PRKCH: variants seen among roughly 807,000 people sequenced by gnomAD.
PRKCH encodes the protein protein kinase C eta, also known as protein kinase C eta type.
PRKCH carries 28 observed loss-of-function variants against 82.5 expected under a neutral mutation model. The ratio of observed to expected loss-of-function variants is 0.34; its 90% CI spans 0.25 to 0.47. PRKCH has a LOEUF of 0.47. PRKCH is among the 20% of genes least tolerant of loss of function. The pLI, the probability that PRKCH is intolerant of heterozygous loss-of-function variation, is 1.00. For synonymous variants in PRKCH, 322 were observed against 327.4 expected (o/e 0.98, Z 0.18); for missense variants, 705 against 881.8 (o/e 0.80, Z 2.54).
chr14:61,540,055 G>A (rs1350655606), intron 12 of PRKCH, among the ~76,000 whole-genome samples: 1 of 152,204 alleles, frequency 6.6e-6, no homozygotes, highest in Non-Finnish European at 1.5e-5. Context: ...TTGAGTATTT[G>A]AAAATTTTAA....
chr14:61,301,524 A>G (rs967582103), intron 1 of PRKCH, among the ~76,000 whole-genome samples: 2 of 152,214 alleles, frequency 1.3e-5, no homozygotes, highest in Non-Finnish European at 2.9e-5. Flanking sequence ...TTATATGCTC[A>G]AGGTAACGTG....
At chr14:61,509,199 T>C (rs1887273462) in intron 10 of PRKCH, among the ~76,000 whole-genome samples, 1 of 152,088 alleles carries the variant, frequency 6.6e-6, no homozygotes, top group South Asian at 2.1e-4. Context: ...GATTGTAAAT[T>C]ACGCGTAAAT....
At chr14:61,432,570 A>C (rs564930870) in intron 2 of PRKCH, among the ~76,000 whole-genome samples, 1 of 152,278 alleles carries the variant, frequency 6.6e-6, no homozygotes, top group South Asian at 2.1e-4. Context: ...TCTGGCTTCA[A>C]GCAGTCCTCC....
chr14:61,314,248 G>A (rs1594905453), intron 1 of PRKCH, among the ~76,000 whole-genome samples: 1 of 151,940 alleles, frequency 6.6e-6, no homozygotes, highest in Non-Finnish European at 1.5e-5. Flanking sequence ...CTATAATTGG[G>A]CTGTCATAAA....
At chr14:61,263,299 A>C (rs2045066935) in intron 1 of PRKCH, among the ~76,000 whole-genome samples, 1 of 152,202 alleles carries the variant, frequency 6.6e-6, no homozygotes, top group Non-Finnish European at 1.5e-5. Flanking sequence ...CTTCAATGTT[A>C]TTTAGCTTTA....
chr14:61,243,802 T>C (rs1335994829), intron 1 of PRKCH, among the ~76,000 whole-genome samples: 2 of 152,072 alleles, frequency 1.3e-5, no homozygotes, highest in African/African-American at 4.8e-5. Flanking sequence ...ATAAAAAGCC[T>C]TTTTTCTTAA....
intron 1 of PRKCH, among the ~76,000 whole-genome samples, chr14:61,375,129 T>C (rs771739286): frequency 4.5e-4 from 68 of 152,136 alleles, no homozygotes; most frequent in Non-Finnish European, 8.4e-4. Flanking sequence ...AAGTTTAGAG[T>C]TCCACAGATC....
At chr14:61,381,578 C>A (rs367822988) in intron 1 of PRKCH, among the ~76,000 whole-genome samples, 1 of 152,240 alleles carries the variant, frequency 6.6e-6, no homozygotes. Context: ...GATGCTGACT[C>A]GGACTCTCCA....
chr14:61,474,301 A>G (rs535671514), intron 9 of PRKCH, among the ~76,000 whole-genome samples: 1 of 152,190 alleles, frequency 6.6e-6, no homozygotes, highest in Non-Finnish European at 1.5e-5. Flanking sequence ...AAGTTAACAC[A>G]ATGTGCTTTC....
At position 61,363,191 on chromosome 14, in the gene PRKCH, C is replaced by T. The variant is rs115502422; in HGVS notation, c.364-28034C>T. On this transcript the variant is annotated intron_variant, in intron 1 of 13. Transcript: ENST00000332981. ...GACTATAAAGGGGTAGTTGGGGGCC[C>T]AGCCATGAAAAGCCAAGTATACTCT... 4.8e-3 allele frequency among the ~76,000 whole-genome samples: 730 copies of T among 152,234 alleles called. 4 individuals are homozygous for T. Among genetic ancestry groups the T allele is most frequent in the African/African-American group, 0.017 (698 of 41,526 alleles).
chr14:61,194,978 C>T (rs569093912), intron 1 of PRKCH, among the ~76,000 whole-genome samples: 5 of 152,232 alleles, frequency 3.3e-5, no homozygotes, highest in Non-Finnish European at 7.3e-5. Context: ...AGGTGATCCG[C>T]CTGCCTTTGC....
At chr14:61,396,680 A>C (rs2140210931) in intron 2 of PRKCH, among the ~76,000 whole-genome samples, 1 of 152,312 alleles carries the variant, frequency 6.6e-6, no homozygotes, top group Non-Finnish European at 1.5e-5. Context: ...GATAAATAGG[A>C]CTGTGCCTAG....
At chr14:61,261,544 G>A (rs889671594) in intron 1 of PRKCH, among the ~76,000 whole-genome samples, 3 of 152,300 alleles carry the variant, frequency 2.0e-5, no homozygotes, top group South Asian at 4.1e-4. Flanking sequence ...TACCCAAGTC[G>A]TATTCTTAAA....
chr14:61,290,307 A>G (rs983722361), intron 1 of PRKCH, among the ~76,000 whole-genome samples: 2 of 152,128 alleles, frequency 1.3e-5, no homozygotes, highest in Non-Finnish European at 2.9e-5. Context: ...AAGAAAAAAA[A>G]AAAAGTAAGA....
chr14:61,369,307 G>T (rs1364440315), intron 1 of PRKCH, among the ~76,000 whole-genome samples: 1 of 152,064 alleles, frequency 6.6e-6, no homozygotes, highest in South Asian at 2.1e-4. Context: ...GGATACTTAT[G>T]CTGCTGGTCT....
chr14:61,422,253 A>G (rs58366462), intron 2 of PRKCH, among the ~76,000 whole-genome samples: 94,447 of 151,250 alleles, frequency 0.62, 30,872 homozygotes, highest in Non-Finnish European at 0.73. Flanking sequence ...CCAGCTAAAT[A>G]TTTTGTTTTT....
intron 10 of PRKCH, among the ~76,000 whole-genome samples, chr14:61,491,330 G>A (rs1951959): frequency 0.91 from 138,328 of 152,240 alleles, 64,158 homozygotes; most frequent in Non-Finnish European, 1. Context: ...CTTGATTTGC[G>A]TACTGCAGAG....
At chr14:61,421,825 A>T (rs1882850192) in intron 2 of PRKCH, among the ~76,000 whole-genome samples, 1 of 151,986 alleles carries the variant, frequency 6.6e-6, no homozygotes, top group Admixed American at 6.5e-5. Context: ...GTGCTAGGGG[A>T]GCTGTAAGGA....
At chr14:61,384,329 C>T (rs913853496) in intron 1 of PRKCH, among the ~76,000 whole-genome samples, 5 of 152,068 alleles carry the variant, frequency 3.3e-5, no homozygotes, top group Admixed American at 6.6e-5. Context: ...GATGGTGGTC[C>T]GTGGTCTGGC....
Sources: gnomAD v4.1 joint callset for allele counts (sites outside exome capture counted in the v4.1 genomes callset) on GRCh38, gnomAD v4.1.1 for gene constraint, MANE v1.5 for transcripts, NCBI Gene and HGNC (gene_info 2026-07-23, HGNC 2026-07-21) for gene names.